TTC7A: variants seen among roughly 807,000 people sequenced by gnomAD.
The protein encoded by TTC7A is tetratricopeptide repeat protein 7A.
A neutral mutation model predicts 103.7 loss-of-function variants in TTC7A; 110 were observed. That is an observed-to-expected ratio of 1.06 (90% CI 0.91 to 1.24). The LOEUF is 1.24. Among genes scored for constraint, TTC7A ranks in the 50% most tolerant of loss-of-function variants. TTC7A has a pLI of 0.00. For missense variants in TTC7A, 1,340 were observed against 1,116.3 expected (o/e 1.20, Z -2.86); for synonymous variants, 521 against 467.9 (o/e 1.11, Z -1.47).
At chr2:46,963,886 A>G (rs113260006) in intron 3 of TTC7A, among the ~76,000 whole-genome samples, 2,168 of 152,222 alleles carry the variant, frequency 0.014, 57 homozygotes, top group African/African-American at 0.049. Context: ...CCTGGAGCCA[A>G]TTGTGCCCAG....
intron 5 of TTC7A, among the ~76,000 whole-genome samples, chr2:46,983,736 A>G (rs1193388310): frequency 3.3e-5 from 5 of 152,200 alleles, no homozygotes; most frequent in African/African-American, 1.2e-4. Flanking sequence ...CTCACCACAG[A>G]CTGGAGTAGC....
intron 15 of TTC7A, among the ~76,000 whole-genome samples, chr2:47,044,421 T>C (rs1249248543): frequency 3.9e-5 from 6 of 152,086 alleles, no homozygotes; most frequent in Admixed American, 3.9e-4. Context: ...GGAAGGAGAG[T>C]ACAGTGGCAA....
At chr2:47,050,074 G>T (rs766892998) in intron 17 of TTC7A, 28 bp downstream of exon 17, 1 of 1,562,130 alleles carries the variant, frequency 6.4e-7, no homozygotes, top group East Asian at 2.2e-5. Flanking sequence ...GGGCCACTGT[G>T]TGCATGGACC....
chr2:46,940,124 G>T (rs1008610827), upstream of TTC7A, among the ~76,000 whole-genome samples: 3 of 152,018 alleles, frequency 2.0e-5, no homozygotes, highest in African/African-American at 7.2e-5. This position sits in a 1 kb window ranked among gnomAD's most constrained non-coding sequence, Gnocchi z 4.7. Flanking sequence ...AAGGCCACAC[G>T]GGACTATGCA....
At chr2:47,038,498 A>G (rs529309831) in intron 15 of TTC7A, among the ~76,000 whole-genome samples, 1 of 152,324 alleles carries the variant, frequency 6.6e-6, no homozygotes, top group African/African-American at 2.4e-5. Flanking sequence ...TTTTCACTCA[A>G]TTATGTGTTT....
At chr2:47,017,303 C>T (rs887876069) in intron 11 of TTC7A, among the ~76,000 whole-genome samples, 1 of 151,844 alleles carries the variant, frequency 6.6e-6, no homozygotes, top group African/African-American at 2.4e-5. Flanking sequence ...TCGCTTGAGC[C>T]CAGGAGTTCC....
At chr2:47,072,759 G>T (rs1390579471) in intron 19 of TTC7A, among the ~76,000 whole-genome samples, 1 of 152,122 alleles carries the variant, frequency 6.6e-6, no homozygotes, top group Non-Finnish European at 1.5e-5. Flanking sequence ...CTGAAACAGG[G>T]ATCAGTGGGA....
intron 8 of TTC7A, among the ~76,000 whole-genome samples, chr2:47,004,773 C>T (rs75696611): frequency 0.064 from 9,775 of 151,968 alleles, 448 homozygotes; most frequent in Admixed American, 0.1. Context: ...GGATATGTTA[C>T]CATTTCTGGC....
At chr2:47,038,638 CCCTCCCCCCACCCA>C (rs547440430) in intron 15 of TTC7A, among the ~76,000 whole-genome samples, 401 of 21,482 alleles carry the variant, frequency 0.019, 3 homozygotes, top group East Asian at 0.11. Context: ...TTCCCACCCA[CCCTCCCCCCACCCA>C]CCCCCCCGAC....
upstream of TTC7A, among the ~76,000 whole-genome samples, chr2:46,937,205 C>G (rs1319428092): frequency 6.6e-6 from 1 of 152,090 alleles, no homozygotes; most frequent in African/African-American, 2.4e-5. The surrounding 1 kb of genome is among the most constrained non-coding windows in gnomAD (Gnocchi z 4.0). Flanking sequence ...AAATAAAAAG[C>G]TGAACTACTT....
At chr2:46,915,918 C>T (rs1042982238), upstream of TTC7A, 77 of 985,062 alleles carry the variant, frequency 7.8e-5, no homozygotes, top group African/African-American at 4.2e-4. Flanking sequence ...GAGGACGGCT[C>T]GCGTGAGTCC....
chr2:46,934,063 G>T (rs567929174), intron 2 of TTC7A, among the ~76,000 whole-genome samples: 2 of 152,258 alleles, frequency 1.3e-5, no homozygotes, highest in African/African-American at 4.8e-5. Context: ...ATGAAGGCGA[G>T]GAGAATGTCA....
At chr2:46,955,976 G>A (rs978384419) in intron 2 of TTC7A, among the ~76,000 whole-genome samples, 5 of 152,214 alleles carry the variant, frequency 3.3e-5, no homozygotes, top group Middle Eastern at 3.2e-3. Context: ...TGCAGAGGCG[G>A]GAGGTTACAA....
rs548073108 is a variant in TTC7A at position 47,060,005 on chromosome 2, A to G, written c.2153-764A>G. ...AACCCCATCTCTACAAAAAAATACA[A>G]AAATTAGCTGGGCATGTTGGCACAT... On this transcript the variant is annotated intron_variant, in intron 18 of 19. Coordinates refer to ENST00000319190, the MANE Select transcript of TTC7A (RefSeq NM_020458.4). Among the ~76,000 whole-genome samples the G allele has an allele frequency of 8.5e-5, 13 of 152,204 alleles. No homozygotes were observed. The South Asian group carries it at 1.5e-3, about 17-fold the overall frequency.
chr2:47,022,698 G>T (rs1679430316), intron 12 of TTC7A, among the ~76,000 whole-genome samples: 1 of 152,152 alleles, frequency 6.6e-6, no homozygotes. Flanking sequence ...GTGACATCGG[G>T]TATAAATGAG....
chr2:47,004,003 G>C (rs1025636733), intron 8 of TTC7A, among the ~76,000 whole-genome samples: 39 of 152,204 alleles, frequency 2.6e-4, no homozygotes, highest in African/African-American at 9.4e-4. Flanking sequence ...GTGGCTGTGT[G>C]GGTGGACTTC....
At chr2:46,957,427 C>A (rs993793449) in intron 3 of TTC7A, among the ~76,000 whole-genome samples, 3 of 152,236 alleles carry the variant, frequency 2.0e-5, no homozygotes, top group African/African-American at 7.2e-5. Flanking sequence ...GCTCTGCTGA[C>A]TGGCGCTGGC....
At chr2:46,971,859 G>A (rs7557591) in intron 3 of TTC7A, among the ~76,000 whole-genome samples, 55 of 151,674 alleles carry the variant, frequency 3.6e-4, no homozygotes, top group African/African-American at 1.1e-3. Context: ...GATTCTTCCC[G>A]TTGGGAACCA....
upstream of TTC7A, chr2:46,941,197 GC>G (rs1411720009): frequency 6.7e-6 from 1 of 148,234 alleles, no homozygotes; most frequent in East Asian, 2.0e-4. This position sits in a 1 kb window ranked among gnomAD's most constrained non-coding sequence, Gnocchi z 4.2. Context: ...TCCGCAGCTG[GC>G]GGCGCCGGGG....
Sources: gnomAD v4.1 joint callset for allele counts (sites outside exome capture counted in the v4.1 genomes callset) on GRCh38, gnomAD v4.1.1 for gene constraint, Gnocchi (gnomAD v3.1) non-coding constraint, MANE v1.5 for transcripts, NCBI Gene and HGNC (gene_info 2026-07-23, HGNC 2026-07-21) for gene names.